STARD9: variants seen among roughly 807,000 people sequenced by gnomAD.
The protein encoded by STARD9 is StAR related lipid transfer domain containing 9, also known as stAR-related lipid transfer protein 9.
A neutral mutation model predicts 399.8 loss-of-function variants in STARD9; 346 were observed. That is an observed-to-expected ratio of 0.87 (90% confidence interval 0.79 to 0.95). STARD9 has a LOEUF of 0.95. STARD9 is among the 40% of genes least tolerant of loss of function. STARD9 has a pLI of 0.00. For synonymous variants in STARD9, 2,203 were observed against 2,143.5 expected (o/e 1.03, Z -0.77); for missense variants, 5,832 against 5,667.5 (o/e 1.03, Z -0.93).
At chr15:42,635,620 T>G (rs1248863327) in intron 4 of STARD9, among the ~76,000 whole-genome samples, 1 of 152,150 alleles carries the variant, frequency 6.6e-6, no homozygotes, top group Non-Finnish European at 1.5e-5. Flanking sequence ...TGAGCCACCA[T>G]GCCCGGCCTT....
At chr15:42,621,899 G>A (rs1033579822) in intron 3 of STARD9, among the ~76,000 whole-genome samples, 1 of 152,042 alleles carries the variant, frequency 6.6e-6, no homozygotes, top group Non-Finnish European at 1.5e-5. Context: ...AGGTCCTCTT[G>A]GTAAAGTTAG....
chr15:42,601,578 GC>G (rs1555389585), intron 3 of STARD9, among the ~76,000 whole-genome samples: 3 of 147,890 alleles, frequency 2.0e-5, no homozygotes, highest in Non-Finnish European at 3.0e-5. Context: ...GGCGGGGGCT[GC>G]CCCCCCACCT....
intron 18 of STARD9, 62 bp from the exon 19 acceptor site, chr15:42,675,602 A>G: frequency 7.7e-7 from 1 of 1,292,022 alleles, no homozygotes; most frequent in Non-Finnish European, 1.1e-6. Context: ...AGTGCCGTAC[A>G]CATAGTATGT....
At chr15:42,591,624 G>A (rs1304873435) in intron 3 of STARD9, among the ~76,000 whole-genome samples, 1 of 152,166 alleles carries the variant, frequency 6.6e-6, no homozygotes, top group Non-Finnish European at 1.5e-5. Flanking sequence ...CTTCCTTATG[G>A]TGGTCTTTTT....
intron 3 of STARD9, among the ~76,000 whole-genome samples, chr15:42,617,842 G>A (rs542404684): frequency 4.6e-5 from 7 of 151,326 alleles, no homozygotes; most frequent in African/African-American, 7.3e-5. Flanking sequence ...CAGCCTCAAC[G>A]TCCCAGGCTC....
In STARD9 at chr15:42,638,708, A is replaced by G; in HGVS notation, c.455A>G (p.Glu152Gly). 6.5e-7 allele frequency: 1 copy of G among 1,532,102 alleles called. No homozygotes were observed. Among genetic ancestry groups the G allele is most frequent in the East Asian group, 2.4e-5 (1 of 40,856 alleles). The allele number at this position is 1,532,102 out of a possible 1,614,324, so 94.9% of individuals were successfully genotyped here. A position where few individuals can be genotyped will look rare whatever the true frequency, so the allele number is the denominator to read the frequency against. Residue 152 changes from glutamate (E) to glycine (G), a missense_variant, in exon 7 of 33, where the codon GAA becomes GGA. Around this residue, in one of 2 missense-constraint regions of STARD9, gnomAD observed 5,828 missense variants for 5,651.1 expected, o/e 1.03. Coordinates refer to ENST00000290607, the MANE Select transcript of STARD9 (RefSeq NM_020759.3). ...SSCRIKVSFLEIYNERVRDLL... is the reference protein window; with the variant it reads ...SSCRIKVSFLGIYNERVRDLL... ...TTTCTACTTAACTCTAGTTTTCTAG[A>G]AATCTATAATGAACGGGTGCGGGAT...
intron 3 of STARD9, among the ~76,000 whole-genome samples, chr15:42,627,455 C>T (rs1308380940): frequency 1.3e-5 from 2 of 152,098 alleles, no homozygotes; most frequent in Admixed American, 6.5e-5. Context: ...CAAACATTCC[C>T]GTTATGCTCT....
At chr15:42,715,415 C>G (rs866925204) in intron 26 of STARD9, among the ~76,000 whole-genome samples, 3 of 152,106 alleles carry the variant, frequency 2.0e-5, no homozygotes, top group Non-Finnish European at 4.4e-5. Flanking sequence ...CACAGGGGCT[C>G]ACGCCTGTAA....
chr15:42,693,880 G>T lies in STARD9; in HGVS notation c.12302G>T (p.Gly4101Val). 2 of 1,534,030 alleles carry T rather than the reference G, an allele frequency of 1.3e-6. No individual in the cohort carries two copies. The highest frequency in any genetic ancestry group is 8.7e-7 in the Non-Finnish European group (1 of 1,144,746). Residue 4101 changes from glycine (G) to valine (V), a missense_variant, in exon 23 of 33, where the codon GGT becomes GTT. This residue lies in a region of STARD9 where 5,828 missense variants were observed against 5,651.1 expected (regional missense o/e 1.03). Coordinates refer to ENST00000290607, the MANE Select transcript of STARD9 (RefSeq NM_020759.3). The stretch of plus-strand genomic sequence containing the variant: ...TTGACTGATACTGCAGGGCTCCGAG[G>T]TTCTGCCTTGGGCCTCCCTCAGGCC... ...SELTDTAGLR[G>V]SALGLPQACQ...
At chr15:42,648,669 T>C (rs893213330) in intron 7 of STARD9, among the ~76,000 whole-genome samples, 4 of 152,180 alleles carry the variant, frequency 2.6e-5, no homozygotes, top group African/African-American at 9.7e-5. Flanking sequence ...GATTTAGGTT[T>C]TTAAAAAATC....
intron 3 of STARD9, among the ~76,000 whole-genome samples, chr15:42,611,227 T>G (rs1191433643): frequency 1.3e-5 from 2 of 152,238 alleles, no homozygotes; most frequent in African/African-American, 4.8e-5. Flanking sequence ...TTATGTAATA[T>G]TTGTGGATGA....
intron 1 of STARD9, among the ~76,000 whole-genome samples, chr15:42,576,646 A>G (rs984734552): frequency 1.3e-5 from 2 of 152,178 alleles, no homozygotes; most frequent in African/African-American, 2.4e-5. Flanking sequence ...GGGGACCAGG[A>G]GGCACATGTT....
intron 3 of STARD9, among the ~76,000 whole-genome samples, chr15:42,626,900 G>T (rs2059238304): frequency 1.3e-5 from 2 of 151,724 alleles, no homozygotes; most frequent in African/African-American, 4.8e-5. Flanking sequence ...CAGGTAGATG[G>T]AGTGCAGTGG....
At chr15:42,712,072 ATATATATAT>A (rs1389303433) in intron 26 of STARD9, among the ~76,000 whole-genome samples, 2 of 2,374 alleles carry the variant, frequency 8.4e-4, no homozygotes, top group South Asian at 0.014. Context: ...TTTTATATAT[ATATATATAT>A]TATATATATA....
intron 7 of STARD9, among the ~76,000 whole-genome samples, chr15:42,641,637 A>C (rs541403134): frequency 6.8e-6 from 1 of 146,928 alleles, no homozygotes; most frequent in African/African-American, 2.5e-5. Context: ...AGAGTTTTGC[A>C]CTTATTGCCC....
At chr15:42,592,143 C>T (rs2058408787) in intron 3 of STARD9, among the ~76,000 whole-genome samples, 1 of 152,088 alleles carries the variant, frequency 6.6e-6, no homozygotes, top group Non-Finnish European at 1.5e-5. Context: ...AGGATTTTAT[C>T]CCCCTTTTAT....
In STARD9 at chr15:42,687,603, G is replaced by A. The variant is rs772711409; in HGVS notation, c.6025G>A (p.Val2009Ile). The change falls in exon 23 of 33, where the codon GTT becomes ATT. Residue 2009 changes from valine to isoleucine, a missense_variant. This residue lies in a region of STARD9 where 5,828 missense variants were observed against 5,651.1 expected (regional missense o/e 1.03). Transcript: ENST00000290607. ...TKPAYERFQL[V>I]ACPQERNPSE... ...GCCTGCATATGAAAGGTTCCAGTTA[G>A]TTGCATGCCCTCAGGAAAGAAACCC... The A allele has an allele frequency of 3.0e-5, 46 of 1,536,974 alleles. No individual in the cohort carries two copies. The South Asian group carries it at 5.5e-4, about 18-fold the overall frequency.
intron 3 of STARD9, among the ~76,000 whole-genome samples, chr15:42,596,559 A>G (rs1039739097): frequency 4.6e-5 from 7 of 152,192 alleles, no homozygotes; most frequent in Non-Finnish European, 1.0e-4. Context: ...GACTGCTAAC[A>G]GGTGCTAAAT....
chr15:42,681,958 G>A, intron 21 of STARD9, 146 bp from the exon 22 acceptor site: 1 of 636,444 alleles, frequency 1.6e-6, no homozygotes, highest in African/African-American at 1.8e-5. Context: ...GAGCCCTGTA[G>A]CCCTGCAGCC....
Sources: gnomAD v4.1 joint callset for allele counts (sites outside exome capture counted in the v4.1 genomes callset) on GRCh38, gnomAD v4.1.1 for gene constraint, gnomAD v4.1.1 regional missense constraint, MANE v1.5 for transcripts, NCBI Gene and HGNC (gene_info 2026-07-23, HGNC 2026-07-21) for gene names.